The following DLG2 variants were observed in gnomAD, a reference collection of about 807,000 sequenced individuals.
The protein encoded by DLG2 is discs large MAGUK scaffold protein 2, also known as disks large homolog 2.
DLG2 carries 45 observed loss-of-function variants against 132.5 expected under a neutral mutation model. The ratio of observed to expected loss-of-function variants is 0.34; its 90% CI spans 0.27 to 0.44. DLG2 has a LOEUF of 0.44. Ranked by LOEUF, DLG2 falls within the 20% of genes least tolerant of loss-of-function variation. DLG2 has a pLI of 1.00. For synonymous variants in DLG2, 424 were observed against 419.6 expected (o/e 1.01, Z -0.13); for missense variants, 1,045 against 1,196.9 (o/e 0.87, Z 1.87).
chr11:83,530,080 ATCTGTCTG>A (rs372652839), intron 21 of DLG2, among the ~76,000 whole-genome samples: 3 of 97,500 alleles, frequency 3.1e-5, no homozygotes, highest in East Asian at 2.3e-4. Flanking sequence ...ATCCAACTCT[ATCTGTCTG>A]TCTGTCTGTC....
intron 6 of DLG2, among the ~76,000 whole-genome samples, chr11:84,563,150 A>T (rs2099434125): frequency 6.6e-6 from 1 of 152,222 alleles, no homozygotes; most frequent in South Asian, 2.1e-4. Context: ...AGCATATAAT[A>T]GGCTATAAAT....
intron 7 of DLG2, among the ~76,000 whole-genome samples, chr11:84,388,264 C>G (rs533766181): frequency 1.3e-5 from 2 of 152,070 alleles, no homozygotes; most frequent in African/African-American, 4.8e-5. Flanking sequence ...GGCTACAGAT[C>G]CTATTGCGTG....
At chr11:84,266,428 G>A (rs886369802) in intron 7 of DLG2, among the ~76,000 whole-genome samples, 10 of 152,174 alleles carry the variant, frequency 6.6e-5, no homozygotes, top group Non-Finnish European at 5.9e-5. Flanking sequence ...CATAGATTAA[G>A]TGTCATCTTT....
intron 6 of DLG2, among the ~76,000 whole-genome samples, chr11:84,980,235 C>G (rs937293851): frequency 2.6e-5 from 4 of 151,974 alleles, no homozygotes; most frequent in Non-Finnish European, 5.9e-5. Flanking sequence ...AACAGAAGTA[C>G]CTCTCATATG....
intron 10 of DLG2, among the ~76,000 whole-genome samples, chr11:84,076,408 A>G (rs2096830506): frequency 6.6e-6 from 1 of 152,210 alleles, no homozygotes; most frequent in South Asian, 2.1e-4. Context: ...AAACACTTCA[A>G]CAATATCTTC....
intron 7 of DLG2, among the ~76,000 whole-genome samples, chr11:84,494,670 T>C (rs1406501974): frequency 6.6e-6 from 1 of 152,160 alleles, no homozygotes; most frequent in Non-Finnish European, 1.5e-5. Flanking sequence ...GCATTTATTA[T>C]AGCCAGGGGT....
At chr11:85,393,458 C>T (rs1053048826) in intron 3 of DLG2, among the ~76,000 whole-genome samples, 40 of 152,210 alleles carry the variant, frequency 2.6e-4, no homozygotes, top group East Asian at 1.4e-3. Flanking sequence ...TCAGCAATCC[C>T]ACTCCTGGAT....
At chr11:84,598,395 C>T (rs1398535941) in intron 6 of DLG2, among the ~76,000 whole-genome samples, 2 of 152,170 alleles carry the variant, frequency 1.3e-5, no homozygotes, top group African/African-American at 4.8e-5. Context: ...TAAGAAACCA[C>T]TATTTTCTAA....
intron 4 of DLG2, among the ~76,000 whole-genome samples, chr11:85,162,305 T>C (rs1035332820): frequency 6.6e-6 from 1 of 152,134 alleles, no homozygotes; most frequent in Non-Finnish European, 1.5e-5. Flanking sequence ...AACAGCCCAA[T>C]CCAGGAAGGA....
At chr11:83,895,402 C>A (rs889426397) in intron 15 of DLG2, among the ~76,000 whole-genome samples, 1 of 152,018 alleles carries the variant, frequency 6.6e-6, no homozygotes. Flanking sequence ...TCAGGTGATC[C>A]GCCCGCCTCG....
At chr11:84,110,351 C>T (rs927772804) in intron 9 of DLG2, among the ~76,000 whole-genome samples, 1 of 152,068 alleles carries the variant, frequency 6.6e-6, no homozygotes, top group Non-Finnish European at 1.5e-5. Flanking sequence ...CCTCCCCACA[C>T]CCCAGAGAAG....
intron 11 of DLG2, among the ~76,000 whole-genome samples, chr11:84,044,380 T>C (rs1001580887): frequency 1.3e-5 from 2 of 151,826 alleles, no homozygotes; most frequent in African/African-American, 4.8e-5. Context: ...TTGGACATTC[T>C]ATTTGCTCTG....
At chr11:84,562,145 G>C (rs908275933) in intron 6 of DLG2, among the ~76,000 whole-genome samples, 3 of 151,916 alleles carry the variant, frequency 2.0e-5, no homozygotes, top group African/African-American at 7.2e-5. Context: ...TGATCTAGAA[G>C]GAACTCCAAG....
At chr11:84,459,885 C>T (rs2099075700) in intron 7 of DLG2, among the ~76,000 whole-genome samples, 2 of 150,472 alleles carry the variant, frequency 1.3e-5, no homozygotes, top group Admixed American at 1.3e-4. Flanking sequence ...ATTAAGTTGT[C>T]AGAAATTTCA....
Position 84,976,796 on chromosome 11 carries a change from T to C in DLG2, c.357+134865A>G, listed in dbSNP as rs555267590. ...TAAAACACAAATGCATTATGAATTCTACTACTAACAGCAATACTCTTACAA... is the reference window on the plus strand; with the variant it reads ...TAAAACACAAATGCATTATGAATTCCACTACTAACAGCAATACTCTTACAA... On this transcript the variant is annotated intron_variant, in intron 6 of 27. Coordinates refer to ENST00000376104, the MANE Select transcript of DLG2 (RefSeq NM_001142699.3). Among the ~76,000 whole-genome samples, 3 of 152,200 alleles carry C rather than the reference T, an allele frequency of 2.0e-5. No individual in the cohort carries two copies. In the South Asian group the frequency reaches 6.2e-4, roughly 32 times the overall value.
At chr11:83,676,319 G>A (rs1480941223) in intron 18 of DLG2, among the ~76,000 whole-genome samples, 2 of 152,176 alleles carry the variant, frequency 1.3e-5, no homozygotes, top group South Asian at 2.1e-4. Flanking sequence ...AGGCAGTGTG[G>A]CAGGACCAAA....
rs188011872 is a variant in DLG2, at chr11:84,429,367, G to A, written c.519+105203C>T. Among the ~76,000 whole-genome samples the A allele has an allele frequency of 3.3e-5, 5 of 152,268 alleles. No homozygotes were observed. The East Asian group carries it at 5.8e-4, about 18-fold the overall frequency. Reference sequence around the variant, plus strand: ...TGCAGATGAACTCAGGCCCATGAAAGCTTGGACACTTAACCAAGGTGGCAC... The same window carrying A: ...TGCAGATGAACTCAGGCCCATGAAAACTTGGACACTTAACCAAGGTGGCAC... On this transcript the variant is annotated intron_variant, in intron 7 of 27. Coordinates refer to ENST00000376104, the MANE Select transcript of DLG2 (RefSeq NM_001142699.3).
At chr11:84,625,475 A>T (rs1218098372) in intron 6 of DLG2, among the ~76,000 whole-genome samples, 3 of 152,218 alleles carry the variant, frequency 2.0e-5, no homozygotes, top group African/African-American at 7.2e-5. Context: ...GTCACCTAGA[A>T]ATCAAATCAA....
chr11:84,326,505 T>C (rs2098433817), intron 7 of DLG2, among the ~76,000 whole-genome samples: 1 of 152,194 alleles, frequency 6.6e-6, no homozygotes, highest in Non-Finnish European at 1.5e-5. Context: ...GAGTGAGTTG[T>C]TTAATTTCCT....
Sources: allele counts gnomAD v4.1 joint callset (sites outside exome capture counted in the v4.1 genomes callset), GRCh38; gene constraint gnomAD v4.1.1; transcripts MANE v1.5; gene names NCBI Gene and HGNC (gene_info 2026-07-23, HGNC 2026-07-21).